Variants in STIL observed in about 807,000 individuals in gnomAD.
The protein encoded by STIL is STIL centriolar assembly protein.
A neutral mutation model predicts 110.1 loss-of-function variants in STIL; 55 were observed. The ratio of observed to expected loss-of-function variants is 0.50; its 90% confidence interval spans 0.40 to 0.63. The LOEUF is 0.63. STIL is among the 20% of genes least tolerant of loss of function. The pLI is 0.00. For synonymous variants in STIL, 481 were observed against 530.0 expected, an observed-to-expected ratio of 0.91 and a Z score of 1.27; for missense variants, 1,358 against 1,530.0, an observed-to-expected ratio of 0.89 and a Z score of 1.87.
chr1:47,266,194 C>T (rs1357551323), intron 14 of STIL, among the ~76,000 whole-genome samples: 1 of 152,170 alleles, frequency 6.6e-6, no homozygotes, highest in Non-Finnish European at 1.5e-5. Context: ...ATGATTAAAA[C>T]ATATACTATA....
intron 8 of STIL, among the ~76,000 whole-genome samples, chr1:47,289,938 C>CAA (rs59432279): frequency 0.015 from 1,515 of 103,974 alleles, 35 homozygotes; most frequent in African/African-American, 0.05. Context: ...ACTCCGTCTC[C>CAA]AAAAAAAAAA....
chr1:47,268,168 A>G (rs1644708990), intron 14 of STIL, among the ~76,000 whole-genome samples: 1 of 152,184 alleles, frequency 6.6e-6, no homozygotes, highest in Admixed American at 6.6e-5. Context: ...AAATCTCGCC[A>G]TCTCACAGTG....
chr1:47,280,705 T>C lies in STIL; in HGVS notation c.1753A>G (p.Met585Val), dbSNP rs557995140. The C allele has an allele frequency of 1.2e-5, 20 of 1,614,192 alleles. No individual in the cohort carries two copies. The South Asian group carries it at 1.9e-4, about 15-fold the overall frequency. ...GGGGGAGTAGGTATCTGAAGTTCCA[T>C]TGGTCTTCCTGAATTATGGGGTGAA... is the stretch of plus-strand genomic sequence containing the variant. The part of the protein sequence containing the change: ...VFSPHNSGRP[M>V]ELQIPTPPLP... The change falls in exon 12 of 17, where the codon ATG (methionine) becomes GTG (valine). Residue 585 changes from methionine (M) to valine (V), a missense_variant. Met to Val is a conservative substitution (Grantham distance 21, BLOSUM62 1). Transcript: ENST00000371877.
intron 12 of STIL, among the ~76,000 whole-genome samples, chr1:47,275,147 T>A (rs72684393): frequency 4.9e-4 from 73 of 149,216 alleles, no homozygotes; most frequent in South Asian, 1.7e-3. Context: ...CTCTGTCTCA[T>A]CAACAACAAC....
rs1645141938 is a variant in STIL at position 47,280,954 on chromosome 1, G to C, written c.1504C>G (p.His502Asp). The change falls in exon 12 of 17, where the codon CAC (histidine) becomes GAC (aspartate). Residue 502 changes from histidine (H) to aspartate (D), a missense_variant. By Grantham distance (81) the His-to-Asp change is moderately conservative. Transcript: ENST00000371877. ...LNQDKPALLR[H>D]CKVRQPPAYK... ...GCAGGTGGCTGTCTTACTTTGCAGT[G>C]TCTCAAAAGAGCTGGTTTATCCTGG... The C allele has an allele frequency of 6.2e-7, 1 of 1,613,886 alleles. No individual in the cohort carries two copies. Among genetic ancestry groups the C allele is most frequent in the Non-Finnish European group, 8.5e-7 (1 of 1,179,998 alleles).
intron 12 of STIL, among the ~76,000 whole-genome samples, chr1:47,275,189 G>C (rs74965392): frequency 1.3e-5 from 2 of 150,668 alleles, no homozygotes; most frequent in Admixed American, 1.3e-4. Flanking sequence ...TAAATCATTC[G>C]TAAAAAGATA....
Position 47,251,511 on chromosome 1 carries a change from C to T in STIL, c.3492G>A (p.Gln1164=). The change falls in exon 17 of 17, where the codon CAG becomes CAA. Residue 1164 remains glutamine, a synonymous_variant. Transcript: ENST00000371877. ...LNQNLRSIPE[Q]LGGQKEPSKN... is the part of the protein sequence containing the mutation. ...TAGAAGGCTCTTTCTGACCACCAAG[C>T]TGTTCAGGTATGGACCTAAGGTTCT... The T allele has an allele frequency of 1.2e-6, 2 of 1,614,224 alleles. No individual in the cohort carries two copies.
intron 8 of STIL, among the ~76,000 whole-genome samples, chr1:47,290,491 G>T (rs1456194685): frequency 6.6e-6 from 1 of 151,988 alleles, no homozygotes; most frequent in Non-Finnish European, 1.5e-5. Flanking sequence ...GGATCACGAG[G>T]CCAGGAGATC....
rs140273109 is a variant in STIL at position 47,251,529 on chromosome 1, A to C, written c.3474T>G (p.Leu1158=). ...CACCAAGCTGTTCAGGTATGGACCT[A>C]AGGTTCTGATTCAATAAATATTCAC... ...SKSEYLLNQN[L]RSIPEQLGGQ... The change falls in exon 17 of 17, where the codon CTT becomes CTG. Residue 1158 remains leucine (L), a synonymous_variant. Transcript: ENST00000371877. 6.2e-7 allele frequency: 1 copy of C among 1,614,064 alleles called. No individual in the cohort carries two copies. Among genetic ancestry groups the C allele is most frequent in the African/African-American group, 1.3e-5 (1 of 74,934 alleles).
chr1:47,289,248 G>A (rs1037051606), intron 9 of STIL, among the ~76,000 whole-genome samples, 187 bp downstream of exon 9: 1 of 151,968 alleles, frequency 6.6e-6, no homozygotes, highest in Non-Finnish European at 1.5e-5. Flanking sequence ...TTGAAGATAT[G>A]ATCTCAGATT....
chr1:47,282,652 T>TA (rs1645184697), intron 10 of STIL, 193 bp from the exon 11 acceptor site: 3 of 551,732 alleles, frequency 5.4e-6, no homozygotes, highest in Non-Finnish European at 9.7e-6. Flanking sequence ...CCAGCCTTAA[T>TA]AAACTACCCT....
chr1:47,270,253 TATACACAC>T lies in STIL; in HGVS notation c.2384-395_2384-388del, dbSNP rs1172291064. On this transcript the variant is annotated intron_variant, in intron 13 of 16. Transcript: ENST00000371877. ...AAAAAAAAAAAAAAATATATATATA[TATACACAC>T]ACACACACACACACACACACACACA... Among the ~76,000 whole-genome samples the T allele has an allele frequency of 7.6e-5, 9 of 118,230 alleles. No homozygotes were observed. The South Asian group carries it at 8.4e-4, about 11-fold the overall frequency. 77.6% of individuals were successfully genotyped at this position (118,230 alleles called of 152,430 possible).
chr1:47,283,910 T>TG (rs1645218646), intron 10 of STIL: 2 of 83,794 alleles, frequency 2.4e-5, no homozygotes, highest in Admixed American at 1.3e-4. Flanking sequence ...TGCGGGGGGG[T>TG]GGGGGGTGGA....
intron 12 of STIL, among the ~76,000 whole-genome samples, chr1:47,272,733 T>C (rs1381628203): frequency 2.0e-5 from 3 of 152,180 alleles, no homozygotes; most frequent in Non-Finnish European, 4.4e-5. Flanking sequence ...AAGCAATACA[T>C]AAAGGTGTTT....
rs764072167 is a variant in STIL, at chr1:47,260,280, A to G, written c.3080+9T>C. 5.6e-6 allele frequency: 9 copies of G among 1,604,604 alleles called. No individual in the cohort carries two copies. Among genetic ancestry groups the G allele is most frequent in the Non-Finnish European group, 4.2e-6 (5 of 1,176,870 alleles). On this transcript the variant is annotated intron_variant, in intron 16 of 16. Transcript: ENST00000371877. The stretch of plus-strand genomic sequence containing the variant: ...TATTCACTCTTTAAAACAAAATTTT[A>G]AAAGTTACCTGGCGTGATCCACGTT...
At chr1:47,253,505 T>C (rs1367852402) in intron 16 of STIL, among the ~76,000 whole-genome samples, 1 of 152,182 alleles carries the variant, frequency 6.6e-6, no homozygotes, top group Non-Finnish European at 1.5e-5. Flanking sequence ...TAGGTACTAT[T>C]GTTATATTTA....
Position 47,289,534 on chromosome 1 carries a change from A to C in STIL, c.924T>G (p.His308Gln), listed in dbSNP as rs1267195497. Residue 308 changes from histidine (H) to glutamine (Q), a missense_variant, in exon 9 of 17, where the codon CAT becomes CAG. His to Gln is a conservative substitution (Grantham distance 24). Transcript: ENST00000371877. ...NFIIVLYSMTHKEPEFYECFP... is the reference protein window; with the variant it reads ...NFIIVLYSMTQKEPEFYECFP... ...AGCATTCATAAAACTCAGGTTCCTT[A>C]TGTGTCATAGAATAGAGAACTATGA... 3 of 1,613,894 alleles carry C rather than the reference A, an allele frequency of 1.9e-6. No homozygotes were observed. The highest frequency in any genetic ancestry group is 2.5e-6 in the Non-Finnish European group (3 of 1,179,818).
At chr1:47,251,984 T>C (rs1048566321) in intron 16 of STIL, 62 bp from the exon 17 acceptor site, 1 of 1,531,128 alleles carries the variant, frequency 6.5e-7, no homozygotes, top group African/African-American at 1.4e-5. Context: ...TAGTTCTCAA[T>C]GTGTTCCATT....
chr1:47,302,138 C>G, intron 4 of STIL, 96 bp downstream of exon 4: 4 of 894,892 alleles, frequency 4.5e-6, no homozygotes, highest in Non-Finnish European at 7.4e-6. Flanking sequence ...GCAAGCTGGT[C>G]TTAAACTCCT....
Sources: allele counts gnomAD v4.1 joint callset (sites outside exome capture counted in the v4.1 genomes callset), GRCh38; gene constraint gnomAD v4.1.1; transcripts MANE v1.5; gene names NCBI Gene and HGNC (gene_info 2026-07-23, HGNC 2026-07-21).